The following SCML2 variants were observed in gnomAD, a reference collection of about 807,000 sequenced individuals.
SCML2 encodes the protein Scm polycomb group protein like 2.
A neutral mutation model predicts 48.4 loss-of-function variants in SCML2; 6 were observed. That is an observed-to-expected ratio of 0.12 (90% CI 0.07 to 0.24). The LOEUF (loss-of-function observed/expected upper bound fraction) is 0.24, where lower values mean the gene tolerates loss of function less well. SCML2 is among the 10% of genes least tolerant of loss of function. SCML2 has a pLI of 1.00. For missense variants in SCML2, 377 were observed against 528.2 expected (o/e 0.71, Z 2.81); for synonymous variants, 181 against 189.5 (o/e 0.95, Z 0.37).
upstream of SCML2, among the ~76,000 whole-genome samples, chrX:18,355,089 CA>C (rs1350789327): frequency 9.0e-6 from 1 of 111,529 alleles, no homozygotes; most frequent in East Asian, 2.8e-4. Context: ...CCTCGGAACT[CA>C]AGCAAGTTCG....
rs1446645548 is a variant in SCML2 at position 18,323,944 on chromosome X, A to G, written c.312T>C (p.Asn104=). The G allele has an allele frequency of 3.3e-6, 4 of 1,209,288 alleles. No individual in the cohort carries two copies. In the Admixed American group the frequency reaches 8.8e-5, roughly 26 times the overall value. ...GGGAATCGACAAGCCTCCAAAAATC[A>G]TTTCTGTTGTCACTACCATCCAGTC... The part of the protein sequence containing the change: ...RLRLDGSDNR[N]DFWRLVDSPD... Residue 104 remains asparagine (N), a synonymous_variant, in exon 5 of 15, where the codon AAT becomes AAC. Coordinates refer to ENST00000251900, the MANE Select transcript of SCML2 (RefSeq NM_006089.3).
chrX:18,321,943 G>A (rs1242888829), intron 5 of SCML2, among the ~76,000 whole-genome samples: 1 of 111,586 alleles, frequency 9.0e-6, no homozygotes, highest in African/African-American at 3.3e-5. Flanking sequence ...GATTATGGCT[G>A]GTTATCAGCA....
intron 7 of SCML2, among the ~76,000 whole-genome samples, chrX:18,276,510 T>C (rs1927647893): frequency 9.0e-6 from 1 of 111,011 alleles, no homozygotes; most frequent in Non-Finnish European, 1.9e-5. Flanking sequence ...ATACATACAT[T>C]GACATACATA....
chrX:18,337,333 ACAACCAATTGTATGTTGGCTAC>A (rs1316700465), intron 1 of SCML2, among the ~76,000 whole-genome samples: 40 of 89,422 alleles, frequency 4.5e-4, no homozygotes, highest in East Asian at 6.8e-4. Context: ...AAAAAAAAAA[ACAACCAATTGTATGTTGGCTAC>A]AAAAAAAAAA....
chrX:18,324,033 G>A lies in SCML2; in HGVS notation c.223C>T (p.Arg75Cys). Residue 75 changes from arginine (R) to cysteine (C), a missense_variant, in exon 5 of 15, where the codon CGC becomes TGC. Transcript: ENST00000251900. ...VGMKLEARDPRNATSVCIATV... is the reference protein window; with the variant it reads ...VGMKLEARDPCNATSVCIATV... ...GCAATACATACTGAAGTGGCATTGC[G>A]AGGGTCACGGGCTTCCAATTTCATA... 8.3e-7 allele frequency: 1 copy of A among 1,210,570 alleles called. No individual in the cohort carries two copies. Among genetic ancestry groups the A allele is most frequent in the Non-Finnish European group, 1.1e-6 (1 of 894,695 alleles).
intron 7 of SCML2, among the ~76,000 whole-genome samples, chrX:18,300,916 TAC>T (rs749485377): frequency 6.7e-4 from 74 of 111,012 alleles, no homozygotes; most frequent in African/African-American, 2.0e-3. Context: ...TCAAAACTGG[TAC>T]ACACTTGATA....
chrX:18,254,615 T>C (rs150330729), intron 11 of SCML2, among the ~76,000 whole-genome samples: 15 of 112,399 alleles, frequency 1.3e-4, no homozygotes, highest in Admixed American at 4.7e-4. Flanking sequence ...GCATTCTTAA[T>C]GCTTTGTGTA....
intron 7 of SCML2, among the ~76,000 whole-genome samples, chrX:18,280,845 G>C (rs940454007): frequency 8.9e-6 from 1 of 111,817 alleles, no homozygotes; most frequent in Non-Finnish European, 1.9e-5. Context: ...GGAGCACCCA[G>C]ATTCATAAAA....
chrX:18,345,661 G>GA lies in SCML2; in HGVS notation c.-25+8930dup, dbSNP rs1229139066. Among the ~76,000 whole-genome samples, 3 of 110,419 alleles carry GA rather than the reference G, an allele frequency of 2.7e-5. 1 individual carries two copies. The East Asian group carries it at 8.6e-4, about 32-fold the overall frequency. On this transcript the variant is annotated intron_variant, in intron 1 of 14. Coordinates refer to ENST00000251900, the MANE Select transcript of SCML2 (RefSeq NM_006089.3). The stretch of plus-strand genomic sequence containing the variant: ...CTTGCCTCAGCCTCTCAAAGTGCTG[G>GA]AATTAGAGGTGTAAGCCACCACACA...
intron 12 of SCML2, 125 bp from the exon 13 acceptor site, chrX:18,246,953 C>G (rs1347853179): frequency 1.4e-6 from 1 of 691,722 alleles, no homozygotes; most frequent in African/African-American, 2.2e-5. Flanking sequence ...CCACAATGCT[C>G]TAACACAAAG....
At position 18,272,451 on chromosome X, in the gene SCML2, G is replaced by T. The variant is rs138342208; in HGVS notation, c.731-6649C>A. On this transcript the variant is annotated intron_variant, in intron 7 of 14. Transcript: ENST00000251900. Reference sequence around the variant, plus strand: ...GGCATCTGGAAGTCAGAAGCCAGCTGAACACTAAGAATTTTCTCAGAAGAG... The same window carrying T: ...GGCATCTGGAAGTCAGAAGCCAGCTTAACACTAAGAATTTTCTCAGAAGAG... Among the ~76,000 whole-genome samples, 16 of 112,066 alleles carry T rather than the reference G, an allele frequency of 1.4e-4. 1 individual carries two copies. In the East Asian group the frequency reaches 4.2e-3, roughly 30 times the overall value.
Position 18,247,889 on chromosome X carries a change from T to A in SCML2, c.1457-7A>T. On this transcript the variant is annotated splice_region_variant and splice_polypyrimidine_tract_variant and intron_variant, in intron 11 of 14. Transcript: ENST00000251900. The stretch of plus-strand genomic sequence containing the variant: ...TCTGTTACATCTTCTTTTGCTGTTT[T>A]CAAAGAAAAAACAGTTGTCTGTTAT... 8.5e-7 allele frequency: 1 copy of A among 1,173,543 alleles called. No homozygotes were observed. The highest frequency in any genetic ancestry group is 1.2e-6 in the Non-Finnish European group (1 of 861,971).
chrX:18,296,739 T>C (rs780757130), intron 7 of SCML2, among the ~76,000 whole-genome samples: 56 of 111,463 alleles, frequency 5.0e-4, no homozygotes, highest in African/African-American at 1.7e-3. Context: ...TGACAAGCAA[T>C]GAGACTGAAT....
At chrX:18,350,365 C>G (rs1930334579) in intron 1 of SCML2, among the ~76,000 whole-genome samples, 1 of 109,299 alleles carries the variant, frequency 9.1e-6, no homozygotes, top group African/African-American at 3.3e-5. Context: ...TACCTGAGGT[C>G]AGGAGTTTGA....
intron 3 of SCML2, among the ~76,000 whole-genome samples, chrX:18,329,157 T>C (rs759312754): frequency 1.6e-3 from 184 of 112,047 alleles, no homozygotes; most frequent in Non-Finnish European, 1.7e-3. Context: ...GTGAATTATA[T>C]GATATTTGAA....
At chrX:18,307,307 G>T (rs998892469) in intron 6 of SCML2, among the ~76,000 whole-genome samples, 1 of 110,681 alleles carries the variant, frequency 9.0e-6, no homozygotes, top group South Asian at 3.8e-4. Context: ...AATCCACCCT[G>T]AAAGCTGGCA....
At chrX:18,281,853 G>C (rs1927869002) in intron 7 of SCML2, among the ~76,000 whole-genome samples, 1 of 111,436 alleles carries the variant, frequency 9.0e-6, no homozygotes, top group Admixed American at 9.5e-5. Context: ...GCTGGGCGCT[G>C]TGGCTCACGC....
intron 7 of SCML2, among the ~76,000 whole-genome samples, chrX:18,279,414 A>G (rs564744945): frequency 7.1e-5 from 8 of 112,275 alleles, no homozygotes; most frequent in African/African-American, 2.6e-4. Context: ...AGGAACACCA[A>G]CCCTCCTAGA....
At chrX:18,344,011 A>G (rs368754241) in intron 1 of SCML2, among the ~76,000 whole-genome samples, 3 of 108,016 alleles carry the variant, frequency 2.8e-5, no homozygotes, top group Non-Finnish European at 5.7e-5. Context: ...CTCATTCCCT[A>G]TGACTTGTGG....
Sources: gnomAD v4.1 joint callset for allele counts (sites outside exome capture counted in the v4.1 genomes callset) on GRCh38, gnomAD v4.1.1 for gene constraint, MANE v1.5 for transcripts, NCBI Gene and HGNC (gene_info 2026-07-23, HGNC 2026-07-21) for gene names.